The following PPP1R3F variants were observed in gnomAD, a reference collection of about 807,000 sequenced individuals.
PPP1R3F encodes protein phosphatase 1, regulatory (inhibitor) subunit 3F.
A neutral mutation model predicts 24.2 loss-of-function variants in PPP1R3F; 29 were observed. That is an observed-to-expected ratio of 1.20 (90% CI 0.89 to 1.63). The LOEUF is 1.63. PPP1R3F is among the 40% of genes most tolerant of loss of function. PPP1R3F has a pLI of 0.00. For missense variants in PPP1R3F, 823 were observed against 729.3 expected (o/e 1.13, Z -1.48); for synonymous variants, 363 against 340.1 (o/e 1.07, Z -0.74).
At chrX:49,271,894 G>A (rs2066182502) in intron 1 of PPP1R3F, among the ~76,000 whole-genome samples, 1 of 111,871 alleles carries the variant, frequency 8.9e-6, no homozygotes, top group African/African-American at 3.3e-5. Flanking sequence ...ACCCCAGGGG[G>A]CCCCAGAAGA....
rs782694317 is a variant in PPP1R3F, at chrX:49,276,606, T to C, written c.1005-4800T>C. ...TCGAAGAACAACCATTTTTCAGTTA[T>C]TTATATGTCTGTTTACACGTGTGGG... On this transcript the variant is annotated intron_variant, in intron 1 of 3. Coordinates refer to ENST00000055335, the MANE Select transcript of PPP1R3F (RefSeq NM_033215.5). Among the ~76,000 whole-genome samples, 27 of 112,674 alleles carry C rather than the reference T, an allele frequency of 2.4e-4. 1 individual carries two copies. In the South Asian group the frequency reaches 9.5e-3, roughly 39 times the overall value.
At chrX:49,300,098 C>T (rs1216817795) in intron 3 of PPP1R3F, among the ~76,000 whole-genome samples, 3 of 111,830 alleles carry the variant, frequency 2.7e-5, no homozygotes, top group Admixed American at 9.5e-5. Context: ...TCTGCCCAAA[C>T]GGTTGCCCAG....
At chrX:49,288,213 G>A (rs1023346442), downstream of PPP1R3F, 2 of 111,883 alleles carry the variant, frequency 1.8e-5, no homozygotes, top group African/African-American at 3.2e-5. Flanking sequence ...GATCTTTTTT[G>A]CCCAACCATT....
At chrX:49,291,314 C>CTCTCTCTCTCTCTCTG (rs2066307930), downstream of PPP1R3F, among the ~76,000 whole-genome samples, 1 of 98,682 alleles carries the variant, frequency 1.0e-5, no homozygotes, top group African/African-American at 3.6e-5. Flanking sequence ...CTCTCTCTCT[C>CTCTCTCTCTCTCTCTG]TCTCTCTCTC....
At chrX:49,273,798 A>C (rs1289486287) in intron 1 of PPP1R3F, 1 of 112,532 alleles carries the variant, frequency 8.9e-6, no homozygotes, top group African/African-American at 3.2e-5. Flanking sequence ...GAGCACAGCC[A>C]CATCAGGTGA....
Position 49,282,039 on chromosome X carries a change from T to C in PPP1R3F, c.1119T>C (p.Arg373=), listed in dbSNP as rs782485370. ...CACTGGTAGCCCCCACCCCTCTCCG[T>C]CCATGGCCCCAGATGACACTTCAGG... ...VGPLVAPTPL[R]PWPQMTLQVS... The change falls in exon 3 of 4, where the codon CGT becomes CGC. Residue 373 remains arginine (R), a synonymous_variant. Coordinates refer to ENST00000055335, the MANE Select transcript of PPP1R3F (RefSeq NM_033215.5). 7 of 1,206,888 alleles carry C rather than the reference T, an allele frequency of 5.8e-6. No individual in the cohort carries two copies. The highest frequency in any genetic ancestry group is 7.8e-6 in the Non-Finnish European group (7 of 892,645).
chrX:49,295,574 T>C (rs1440213129), intron 3 of PPP1R3F, among the ~76,000 whole-genome samples: 1 of 111,332 alleles, frequency 9.0e-6, no homozygotes, highest in Non-Finnish European at 1.9e-5. Context: ...TTTTCATCTA[T>C]GTTCATGAAG....
chrX:49,281,895 G>T lies in PPP1R3F; in HGVS notation c.1061-86G>T, dbSNP rs1180660656. 1.7e-5 allele frequency: 12 copies of T among 707,927 alleles called. No homozygotes were observed. In the Admixed American group the frequency reaches 1.8e-4, roughly 11 times the overall value. The allele number at this position is 707,927 out of a possible 1,213,427, so 58.3% of individuals were successfully genotyped here. On this transcript the variant is annotated intron_variant, in intron 2 of 3. Coordinates refer to ENST00000055335, the MANE Select transcript of PPP1R3F (RefSeq NM_033215.5). ...GAAAGCTTCAGAGGCAAAACTGCCA[G>T]TTGGCTAGGATGGCAGATTTTCTTA...
At chrX:49,279,727 C>T (rs909273439) in intron 1 of PPP1R3F, among the ~76,000 whole-genome samples, 2 of 112,605 alleles carry the variant, frequency 1.8e-5, no homozygotes, top group African/African-American at 6.5e-5. Context: ...TCAAGAATGT[C>T]ACATTGCCTC....
chrX:49,286,543 T>G lies in PPP1R3F; in HGVS notation c.1853T>G (p.Leu618Arg). The G allele has an allele frequency of 8.3e-7, 1 of 1,211,118 alleles. No homozygotes were observed. Among genetic ancestry groups the G allele is most frequent in the Non-Finnish European group, 1.1e-6 (1 of 895,129 alleles). Residue 618 changes from leucine to arginine, a missense_variant, in exon 4 of 4, where the codon CTC (leucine) becomes CGC (arginine). Transcript: ENST00000055335. The part of the protein sequence containing the change: ...SVVATMGDVW[L>R]PWAEGSGCDG... ...GTAGCCACGATGGGAGATGTGTGGC[T>G]CCCATGGGCAGAGGGCTCAGGATGT...
chrX:49,297,515 A>G (rs1378456134), intron 3 of PPP1R3F, among the ~76,000 whole-genome samples: 1 of 110,139 alleles, frequency 9.1e-6, no homozygotes, highest in Admixed American at 9.8e-5. Context: ...CGCCTGGCCA[A>G]TTTTTTGTAT....
At chrX:49,300,605 T>G (rs782276042) in intron 3 of PPP1R3F, among the ~76,000 whole-genome samples, 2 of 105,739 alleles carry the variant, frequency 1.9e-5, no homozygotes, top group Admixed American at 1.0e-4. Flanking sequence ...TCATCCCATC[T>G]CAGCCTCTTG....
At chrX:49,284,505 C>CTTTTTTTTTTTT (rs1408370876) in intron 3 of PPP1R3F, among the ~76,000 whole-genome samples, 1 of 43,959 alleles carries the variant, frequency 2.3e-5, no homozygotes, top group Non-Finnish European at 4.4e-5. Flanking sequence ...TTTTCTTTTT[C>CTTTTTTTTTTTT]TTTCTTTTTT....
chrX:49,298,938 T>C (rs1237549894), intron 3 of PPP1R3F, among the ~76,000 whole-genome samples: 1 of 109,988 alleles, frequency 9.1e-6, no homozygotes, highest in Non-Finnish European at 1.9e-5. Flanking sequence ...TTTCCTTGCA[T>C]TGGGTAAGAA....
At chrX:49,271,472 C>T (rs1209781225) in intron 1 of PPP1R3F, among the ~76,000 whole-genome samples, 1 of 112,560 alleles carries the variant, frequency 8.9e-6, no homozygotes, top group Non-Finnish European at 1.9e-5. Context: ...TGCAAAGGTC[C>T]TGGGGTGGAA....
At chrX:49,278,385 CA>C (rs1165854979) in intron 1 of PPP1R3F, among the ~76,000 whole-genome samples, 1 of 112,270 alleles carries the variant, frequency 8.9e-6, no homozygotes, top group Non-Finnish European at 1.9e-5. Context: ...ACTATGGTAA[CA>C]AAAAGAAGTA....
intron 1 of PPP1R3F, among the ~76,000 whole-genome samples, chrX:49,272,361 G>T (rs1269973781): frequency 8.9e-6 from 1 of 112,491 alleles, no homozygotes; most frequent in African/African-American, 3.2e-5. Context: ...AAATCCTGGC[G>T]CTGCCACTTA....
downstream of PPP1R3F, among the ~76,000 whole-genome samples, chrX:49,288,935 A>G (rs1557122092): frequency 9.0e-6 from 1 of 110,984 alleles, no homozygotes; most frequent in Admixed American, 9.6e-5. Flanking sequence ...GTTTGAGACC[A>G]CCAGCCTGGC....
rs1160204843 is a variant in PPP1R3F at position 49,270,154 on chromosome X, G to C, written c.285G>C (p.Glu95Asp). The stretch of plus-strand genomic sequence containing the variant: ...ATGGGGATGAAGGGGAGGAGGAAGA[G>C]GAGGCTTGCCCCGAGCCCTCACCGC... ...GEDGDEGEEE[E>D]EACPEPSPLC... Residue 95 changes from glutamate to aspartate, a missense_variant, in exon 1 of 4, where the codon GAG becomes GAC. Coordinates refer to ENST00000055335, the MANE Select transcript of PPP1R3F (RefSeq NM_033215.5). The C allele has an allele frequency of 8.3e-6, 9 of 1,082,490 alleles. No homozygotes were observed. The highest frequency in any genetic ancestry group is 9.5e-6 in the Non-Finnish European group (8 of 838,052). The allele number at this position is 1,082,490 out of a possible 1,213,427, so 89.2% of individuals were successfully genotyped here. A position where few individuals can be genotyped will look rare whatever the true frequency, so the allele number is the denominator to read the frequency against.
Sources: gnomAD v4.1 joint callset for allele counts (sites outside exome capture counted in the v4.1 genomes callset) on GRCh38, gnomAD v4.1.1 for gene constraint, MANE v1.5 for transcripts, NCBI Gene and HGNC (gene_info 2026-07-23, HGNC 2026-07-21) for gene names.